Variants in KIRREL2 observed in about 807,000 individuals in gnomAD.
KIRREL2 encodes the protein kin of IRRE-like protein 2.
Under a neutral mutation model 73.4 loss-of-function variants are expected in KIRREL2, and 56 were observed. That is an observed-to-expected ratio of 0.76 (90% CI 0.62 to 0.95). The LOEUF (loss-of-function observed/expected upper bound fraction) is 0.95. KIRREL2 is among the 40% of genes least tolerant of loss of function. The pLI is 0.00. For missense variants in KIRREL2, 896 were observed against 935.0 expected, an observed-to-expected ratio of 0.96 and a Z score of 0.54; for synonymous variants, 407 against 404.0, an observed-to-expected ratio of 1.01 and a Z score of -0.09.
chr19:35,853,516 T>G (rs2146837764), upstream of KIRREL2, among the ~76,000 whole-genome samples: 2 of 152,288 alleles, frequency 1.3e-5, no homozygotes, highest in Middle Eastern at 6.8e-3. Context: ...TATCTTTCTT[T>G]CTTTTGAGAT....
At chr19:35,859,214 A>G (rs956819277) in intron 4 of KIRREL2, among the ~76,000 whole-genome samples, 21 of 152,246 alleles carry the variant, frequency 1.4e-4, no homozygotes, top group African/African-American at 5.1e-4. Context: ...ATACATAGTG[A>G]GCACTATATA....
chr19:35,864,610 C>G, intron 13 of KIRREL2, 38 bp from the exon 14 acceptor site: 2 of 1,554,824 alleles, frequency 1.3e-6, no homozygotes, highest in Non-Finnish European at 1.8e-6. Context: ...GCGGGGGGAT[C>G]CTCTGACTAT....
rs1362754023 is a variant in KIRREL2, at chr19:35,866,443, A to G, written c.2078A>G (p.Tyr693Cys). 8 of 1,592,592 alleles carry G rather than the reference A, an allele frequency of 5.0e-6. No homozygotes were observed. The highest frequency in any genetic ancestry group is 6.9e-6 in the Non-Finnish European group (8 of 1,162,632). Residue 693 changes from tyrosine to cysteine, a missense_variant, in exon 15 of 15, where the codon TAT becomes TGT. Coordinates refer to ENST00000360202, the MANE Select transcript of KIRREL2 (RefSeq NM_199180.4). ...GCCCCCGGGACTCCCCCCTTCCCATATGCTGCCTTCCCCACACCTAGCCAC... is the reference window on the plus strand; with the variant it reads ...GCCCCCGGGACTCCCCCCTTCCCATGTGCTGCCTTCCCCACACCTAGCCAC... Reference protein sequence around the residue: ...DLAPGTPPFPYAAFPTPSHPR... With the variant: ...DLAPGTPPFPCAAFPTPSHPR...
In KIRREL2 at chr19:35,858,518, G is replaced by A. The variant is rs1599858265; in HGVS notation, c.322G>A (p.Ala108Thr). The A allele has an allele frequency of 1.2e-6, 2 of 1,614,186 alleles. No homozygotes were observed. Among genetic ancestry groups the A allele is most frequent in the Non-Finnish European group, 1.7e-6 (2 of 1,180,046 alleles). The part of the protein sequence containing the change: ...EASYECQATQ[A>T]GLRSRPAQLH... ...ATCATATGAATGTCAGGCTACACAA[G>A]CAGGCCTCCGCTCCAGACCAGCCCA... is the stretch of plus-strand genomic sequence containing the variant. The change falls in exon 3 of 15, where the codon GCA (alanine) becomes ACA (threonine). Residue 108 changes from alanine to threonine, a missense_variant. Coordinates refer to ENST00000360202, the MANE Select transcript of KIRREL2 (RefSeq NM_199180.4).
rs143366792 is a variant in KIRREL2 at position 35,866,471 on chromosome 19, G to A, written c.2106G>A (p.Pro702=). The change falls in exon 15 of 15, where the codon CCG becomes CCA. Residue 702 remains proline, a synonymous_variant. Transcript: ENST00000360202. Reference sequence around the variant, plus strand: ...CTGCCTTCCCCACACCTAGCCACCCGCGTCTCCAGACTCACGTGTGACATC... The same window carrying A: ...CTGCCTTCCCCACACCTAGCCACCCACGTCTCCAGACTCACGTGTGACATC... ...PYAAFPTPSH[P]RLQTHV is the part of the protein sequence containing the mutation. 52 of 1,609,268 alleles carry A rather than the reference G, an allele frequency of 3.2e-5. No individual in the cohort carries two copies. The highest frequency in any genetic ancestry group is 1.2e-4 in the Admixed American group (7 of 59,600).
chr19:35,858,942 A>G (rs1973550174), intron 4 of KIRREL2, 78 bp downstream of exon 4: 4 of 1,487,298 alleles, frequency 2.7e-6, no homozygotes, highest in South Asian at 1.2e-5. Context: ...GCTCATCCAG[A>G]AGAGAAGAAG....
rs199569396 is a variant in KIRREL2, at chr19:35,857,331, C to T, written c.62-14C>T. The T allele has an allele frequency of 6.2e-7, 1 of 1,612,106 alleles. No individual in the cohort carries two copies. Among genetic ancestry groups the T allele is most frequent in the Non-Finnish European group, 8.5e-7 (1 of 1,180,014 alleles). ...AGGTGCTAAGCTCAGCCCTGCTGCC[C>T]CGAACTCTCCTAGGCCCGTCGCCCC... On this transcript the variant is annotated splice_polypyrimidine_tract_variant and intron_variant, in intron 1 of 14. Coordinates refer to ENST00000360202, the MANE Select transcript of KIRREL2 (RefSeq NM_199180.4).
Position 35,861,558 on chromosome 19 carries a change from G to A in KIRREL2, c.1207G>A (p.Ala403Thr). ...CATCCCAGCTCCCCCAGTAGTGACC[G>A]CCCTGCACTCTGCGCCTGCCTTCCT... is the stretch of plus-strand genomic sequence containing the variant. ...LTVNAPPVVT[A>T]LHSAPAFLRG... is the part of the protein sequence containing the mutation. Residue 403 changes from alanine (A) to threonine (T), a missense_variant, in exon 10 of 15, where the codon GCC (alanine) becomes ACC (threonine). Ala to Thr is a moderately conservative substitution (Grantham distance 58). Coordinates refer to ENST00000360202, the MANE Select transcript of KIRREL2 (RefSeq NM_199180.4). 1.2e-6 allele frequency: 2 copies of A among 1,613,808 alleles called. No individual in the cohort carries two copies. The highest frequency in any genetic ancestry group is 1.7e-6 in the Non-Finnish European group (2 of 1,179,918).
At chr19:35,857,316 C>T in intron 1 of KIRREL2, 29 bp from the exon 2 acceptor site, 1 of 1,611,704 alleles carries the variant, frequency 6.2e-7, no homozygotes, top group South Asian at 1.1e-5. Flanking sequence ...AGGTGCTAAG[C>T]TCAGCCCTGC....
At chr19:35,863,424 A>ATTTTTTTTT (rs1410982721) in intron 13 of KIRREL2, among the ~76,000 whole-genome samples, 2 of 120,330 alleles carry the variant, frequency 1.7e-5, no homozygotes, top group Middle Eastern at 4.8e-3. Context: ...CCCTGTCTCC[A>ATTTTTTTTT]TTTTTTTTTT....
At chr19:35,863,177 G>A (rs1973787273) in intron 13 of KIRREL2, 141 bp downstream of exon 13, 1 of 598,196 alleles carries the variant, frequency 1.7e-6, no homozygotes, top group South Asian at 2.0e-5. Flanking sequence ...GGGAGGTGGA[G>A]ACACAAGGAT....
upstream of KIRREL2, among the ~76,000 whole-genome samples, chr19:35,855,614 T>C (rs1973390748): frequency 6.8e-6 from 1 of 147,686 alleles, no homozygotes. Flanking sequence ...AATTTGGGCC[T>C]CTGATCCTCC....
chr19:35,857,855 G>A lies in KIRREL2; in HGVS notation c.211+361G>A, dbSNP rs545259831. Among the ~76,000 whole-genome samples, 6 of 151,824 alleles carry A rather than the reference G, an allele frequency of 4.0e-5. No homozygotes were observed. The East Asian group carries it at 5.8e-4, about 15-fold the overall frequency. ...TATATATATTTTAAACAAATTAGCC[G>A]GGTATGGTGGTGTGCATCTATAGTC... On this transcript the variant is annotated intron_variant, in intron 2 of 14. Transcript: ENST00000360202.
chr19:35,862,847 G>A (rs1568467332), intron 12 of KIRREL2, 80 bp from the exon 13 acceptor site: 1 of 862,394 alleles, frequency 1.2e-6, no homozygotes, highest in Non-Finnish European at 1.9e-6. Flanking sequence ...TTGGTTCCCA[G>A]TCCTCTCTCT....
chr19:35,858,659 C>G, intron 3 of KIRREL2, 45 bp from the exon 4 acceptor site: 1 of 1,610,522 alleles, frequency 6.2e-7, no homozygotes, highest in South Asian at 1.1e-5. Flanking sequence ...TCAATTGGAG[C>G]TGAGAAGATC....
chr19:35,856,789 C>T (rs1973439240), upstream of KIRREL2: 1 of 412,946 alleles, frequency 2.4e-6, no homozygotes, highest in East Asian at 5.2e-5. The surrounding 1 kb of genome is among the most constrained non-coding windows in gnomAD (Gnocchi z 5.9). Context: ...CGGGGGATCC[C>T]GCCCTGCGTC....
Position 35,861,551 on chromosome 19 carries a change from A to G in KIRREL2, c.1200A>G (p.Val400=), listed in dbSNP as rs763766878. The change falls in exon 10 of 15, where the codon GTA becomes GTG. Residue 400 remains valine (V), a synonymous_variant. Transcript: ENST00000360202. ...CAGTCTCCATCCCAGCTCCCCCAGT[A>G]GTGACCGCCCTGCACTCTGCGCCTG... ...EARLTVNAPP[V]VTALHSAPAF... The G allele has an allele frequency of 3.7e-6, 6 of 1,613,652 alleles. No homozygotes were observed. The highest frequency in any genetic ancestry group is 1.3e-5 in the African/African-American group (1 of 74,822).
At position 35,863,280 on chromosome 19, in the gene KIRREL2, C is replaced by T. The variant is rs76662935; in HGVS notation, c.1725+244C>T. 8.3e-3 allele frequency among the ~76,000 whole-genome samples: 1,267 copies of T among 152,154 alleles called. 22 individuals are homozygous for T. Among genetic ancestry groups the T allele is most frequent in the African/African-American group, 0.029 (1,189 of 41,494 alleles). The stretch of plus-strand genomic sequence containing the variant: ...AACTAAAATAAAATAAAAAATGAAC[C>T]GGGTATGGTGGCATACACCTATAGT... On this transcript the variant is annotated intron_variant, in intron 13 of 14. Coordinates refer to ENST00000360202, the MANE Select transcript of KIRREL2 (RefSeq NM_199180.4).
At chr19:35,860,000 A>G (rs1973593096) in intron 5 of KIRREL2, among the ~76,000 whole-genome samples, 1 of 152,174 alleles carries the variant, frequency 6.6e-6, no homozygotes, top group Non-Finnish European at 1.5e-5. Flanking sequence ...AGCCGAGATC[A>G]TGCCACTCAG....
Sources: allele counts gnomAD v4.1 joint callset (sites outside exome capture counted in the v4.1 genomes callset), GRCh38; gene constraint gnomAD v4.1.1; non-coding constraint Gnocchi (gnomAD v3.1); transcripts MANE v1.5; gene names NCBI Gene and HGNC (gene_info 2026-07-23, HGNC 2026-07-21).